Variants in TRHDE observed in about 807,000 individuals in gnomAD.
TRHDE encodes the protein thyrotropin releasing hormone degrading enzyme.
A neutral mutation model predicts 125.7 loss-of-function variants in TRHDE; 72 were observed. The ratio of observed to expected loss-of-function variants is 0.57; its 90% confidence interval spans 0.47 to 0.70. The LOEUF (loss-of-function observed/expected upper bound fraction) is 0.70. Ranked by LOEUF, TRHDE falls within the 30% of genes least tolerant of loss-of-function variation. The pLI is 0.00. For synonymous variants in TRHDE, 509 were observed against 509.1 expected (o/e 1.00, Z 0.00); for missense variants, 1,110 against 1,327.1 (o/e 0.84, Z 2.54).
chr12:72,498,479 T>C (rs965481522), intron 5 of TRHDE, among the ~76,000 whole-genome samples: 1 of 152,154 alleles, frequency 6.6e-6, no homozygotes, highest in Non-Finnish European at 1.5e-5. Context: ...ATTTAAGCGT[T>C]GGAGTCTTAA....
At chr12:72,584,237 A>G (rs1042877054) in intron 12 of TRHDE, among the ~76,000 whole-genome samples, 1 of 152,044 alleles carries the variant, frequency 6.6e-6, no homozygotes, top group Non-Finnish European at 1.5e-5. Flanking sequence ...AAAGCAAAGT[A>G]TTTTGACATT....
At chr12:72,325,785 C>G (rs11179154) in intron 2 of TRHDE, among the ~76,000 whole-genome samples, 93,058 of 152,010 alleles carry the variant, frequency 0.61, 29,373 homozygotes, top group Non-Finnish European at 0.7. Flanking sequence ...CACAGCCAAG[C>G]CAATTCTCAT....
chr12:72,151,072 C>G (rs1161328538), intron 2 of TRHDE, among the ~76,000 whole-genome samples: 1 of 152,300 alleles, frequency 6.6e-6, no homozygotes, highest in East Asian at 1.9e-4. Flanking sequence ...TGTTTCCTGA[C>G]TTCTTAATGA....
At chr12:72,532,427 T>C (rs939466494) in intron 6 of TRHDE, among the ~76,000 whole-genome samples, 10 of 151,406 alleles carry the variant, frequency 6.6e-5, no homozygotes, top group African/African-American at 2.2e-4. Context: ...TTAAATTTCA[T>C]TCGTTCATTT....
intron 2 of TRHDE, among the ~76,000 whole-genome samples, chr12:72,350,907 T>C (rs533195347): frequency 1.0e-3 from 154 of 152,102 alleles, no homozygotes; most frequent in African/African-American, 3.4e-3. Flanking sequence ...TCATGGTCAA[T>C]GTTACTATGA....
chr12:72,407,778 G>T (rs930741529), intron 3 of TRHDE, among the ~76,000 whole-genome samples: 2 of 152,196 alleles, frequency 1.3e-5, no homozygotes, highest in Non-Finnish European at 2.9e-5. Context: ...ACTCTAGGTG[G>T]AAGTGTAGTA....
At chr12:72,652,697 A>T (rs1021377388) in intron 16 of TRHDE, among the ~76,000 whole-genome samples, 3 of 151,488 alleles carry the variant, frequency 2.0e-5, no homozygotes, top group Admixed American at 2.0e-4. Flanking sequence ...TATATAATTT[A>T]TATATGTTTA....
rs773001922 is a variant in TRHDE at position 72,273,063 on chromosome 12, G to C, written c.420G>C (p.Ser140=). The C allele has an allele frequency of 2.0e-6, 3 of 1,527,236 alleles. No individual in the cohort carries two copies. Among genetic ancestry groups the C allele is most frequent in the East Asian group, 2.4e-5 (1 of 40,844 alleles). 94.6% of individuals were successfully genotyped at this position (1,527,236 alleles called of 1,614,324 possible). The change falls in exon 1 of 19, where the codon TCG becomes TCC. Residue 140 remains serine, a synonymous_variant. Transcript: ENST00000261180. This position sits in a 1 kb window ranked among gnomAD's most constrained non-coding sequence, Gnocchi z 5.3. ...ERGGNGSLPG[S]ARRNHHAGGD... is the part of the protein sequence containing the mutation. Reference sequence around the variant, plus strand: ...GCGGCAACGGGAGCCTCCCTGGATCGGCCCGGCGCAACCACCACGCAGGCG... The same window carrying C: ...GCGGCAACGGGAGCCTCCCTGGATCCGCCCGGCGCAACCACCACGCAGGCG...
intron 2 of TRHDE, among the ~76,000 whole-genome samples, chr12:72,151,756 T>A (rs1201024113): frequency 2.0e-5 from 3 of 152,160 alleles, no homozygotes; most frequent in Non-Finnish European, 4.4e-5. Flanking sequence ...TTGGTCTATA[T>A]CTCTGTTTTG....
rs772888553 is a variant in TRHDE at position 72,499,543 on chromosome 12, C to G, written c.1630C>G (p.Leu544Val). Residue 544 changes from leucine (L) to valine (V), a missense_variant, in exon 6 of 19, where the codon CTG becomes GTG. Coordinates refer to ENST00000261180, the MANE Select transcript of TRHDE (RefSeq NM_013381.3). ...LTDVLHEVML[L>V]DGLASSHPVS... ...CGATGTTCTGCATGAAGTGATGCTGCTGGACGGTTTGGCCAGTTCCCATCC... is the reference window on the plus strand; with the variant it reads ...CGATGTTCTGCATGAAGTGATGCTGGTGGACGGTTTGGCCAGTTCCCATCC... The G allele has an allele frequency of 3.7e-6, 6 of 1,613,838 alleles. No individual in the cohort carries two copies. Among genetic ancestry groups the G allele is most frequent in the Non-Finnish European group, 5.1e-6 (6 of 1,179,856 alleles).
chr12:72,527,851 CTACTT>C (rs1313437139), intron 6 of TRHDE, among the ~76,000 whole-genome samples: 1 of 152,080 alleles, frequency 6.6e-6, no homozygotes, highest in Non-Finnish European at 1.5e-5. Context: ...GTGCTTTAAA[CTACTT>C]TATGAATAAC....
intron 5 of TRHDE, among the ~76,000 whole-genome samples, chr12:72,485,914 ATCTTGCT>A (rs1877385678): frequency 6.6e-6 from 1 of 152,060 alleles, no homozygotes; most frequent in Non-Finnish European, 1.5e-5. Flanking sequence ...CCGTATTGGC[ATCTTGCT>A]ATTTCTGAGT....
chr12:72,576,254 C>G (rs1437576717), intron 12 of TRHDE, among the ~76,000 whole-genome samples: 1 of 152,048 alleles, frequency 6.6e-6, no homozygotes, highest in African/African-American at 2.4e-5. Flanking sequence ...TACAAGCTGT[C>G]AATTAAGACA....
chr12:72,126,767 A>G (rs1875722168), intron 2 of TRHDE, among the ~76,000 whole-genome samples: 1 of 152,196 alleles, frequency 6.6e-6, no homozygotes, highest in Non-Finnish European at 1.5e-5. Context: ...CCCAGGAAAC[A>G]CCACTCTGGA....
intron 15 of TRHDE, among the ~76,000 whole-genome samples, chr12:72,642,150 A>G (rs938028528): frequency 1.6e-4 from 24 of 152,178 alleles, no homozygotes; most frequent in Admixed American, 3.3e-4. Context: ...TGAGAAATAA[A>G]TTTCTATTGT....
intron 2 of TRHDE, among the ~76,000 whole-genome samples, chr12:72,368,260 A>G (rs1871422434): frequency 1.3e-5 from 2 of 152,198 alleles, no homozygotes; most frequent in Admixed American, 6.5e-5. Flanking sequence ...ATAAACTTAA[A>G]AAGTCTGTAA....
rs2136110666 is a variant in TRHDE at position 72,653,110 on chromosome 12, C to A, written c.2938C>A (p.Leu980Ile). The A allele has an allele frequency of 6.2e-7, 1 of 1,608,926 alleles. No homozygotes were observed. The highest frequency in any genetic ancestry group is 1.3e-5 in the African/African-American group (1 of 74,682). Residue 980 changes from leucine (L) to isoleucine (I), a missense_variant, in exon 17 of 19, where the codon CTT becomes ATT. Leu to Ile is a conservative substitution (Grantham distance 5). Transcript: ENST00000261180. The stretch of plus-strand genomic sequence containing the variant: ...AGCTCGAAATCCACATGGTCGAGAC[C>A]TTGCCTGGAAGTTTTTCAGGGATAA... ...HVARNPHGRDLAWKFFRDKWK... is the reference protein window; with the variant it reads ...HVARNPHGRDIAWKFFRDKWK...
intron 5 of TRHDE, among the ~76,000 whole-genome samples, chr12:72,483,718 G>C (rs796520352): frequency 5.9e-5 from 9 of 151,830 alleles, no homozygotes; most frequent in African/African-American, 2.2e-4. Flanking sequence ...TTCTGGAGTT[G>C]TTTGCTCTGG....
At position 72,135,549 on chromosome 12, in the gene TRHDE, G is replaced by GT. The variant is rs202197870; in HGVS notation, n.279+29812dup. ...TGGTTTTTCTATAGTGTGTAAACAT[G>GT]TTTTTTTTTTTTTTTAACTACAAGT... On this transcript the variant is annotated intron_variant and non_coding_transcript_variant, in intron 2 of 4. Transcript: ENST00000548156. Among the ~76,000 whole-genome samples, 1,015 of 140,330 alleles carry GT rather than the reference G, an allele frequency of 7.2e-3. 4 individuals are homozygous for GT. Among genetic ancestry groups the GT allele is most frequent in the African/African-American group, 0.018 (709 of 38,490 alleles). 92.1% of individuals were successfully genotyped at this position (140,330 alleles called of 152,430 possible).
Sources: allele counts gnomAD v4.1 joint callset (sites outside exome capture counted in the v4.1 genomes callset), GRCh38; gene constraint gnomAD v4.1.1; non-coding constraint Gnocchi (gnomAD v3.1); transcripts MANE v1.5; gene names NCBI Gene and HGNC (gene_info 2026-07-23, HGNC 2026-07-21).